DPYD: variants seen among roughly 807,000 people sequenced by gnomAD.
DPYD encodes the protein dihydropyrimidine dehydrogenase [NADP(+)].
In DPYD, 109 loss-of-function variants were observed where a neutral mutation model predicts 116.2. That is an observed-to-expected ratio of 0.94 (90% CI 0.80 to 1.10). The LOEUF is 1.10. Among genes scored for constraint, DPYD ranks in the 50% least tolerant of loss-of-function variants. DPYD has a pLI of 0.00. For missense variants in DPYD, 1,302 were observed against 1,254.5 expected, an observed-to-expected ratio of 1.04 and a Z score of -0.57; for synonymous variants, 440 against 432.0, an observed-to-expected ratio of 1.02 and a Z score of -0.23.
At chr1:97,905,813 T>A (rs1159983119) in intron 1 of DPYD, among the ~76,000 whole-genome samples, 1 of 152,080 alleles carries the variant, frequency 6.6e-6, no homozygotes, top group African/African-American at 2.4e-5. Flanking sequence ...CCCACTTCTA[T>A]ACCTCTATGA....
intron 2 of DPYD, among the ~76,000 whole-genome samples, chr1:97,872,463 C>T (rs1671703161): frequency 6.6e-6 from 1 of 151,934 alleles, no homozygotes; most frequent in Admixed American, 6.6e-5. Flanking sequence ...AAGTTGCAAT[C>T]AGTCTGAAAT....
At chr1:97,350,473 G>C (rs1670083928) in intron 16 of DPYD, among the ~76,000 whole-genome samples, 1 of 152,124 alleles carries the variant, frequency 6.6e-6, no homozygotes, top group Non-Finnish European at 1.5e-5. Flanking sequence ...ATATAAGACT[G>C]AACTTTTGTA....
At chr1:97,256,869 G>A (rs1482611998) in intron 18 of DPYD, among the ~76,000 whole-genome samples, 2 of 151,994 alleles carry the variant, frequency 1.3e-5, no homozygotes, top group Admixed American at 1.3e-4. Context: ...AACATATGAT[G>A]TAAAATCATG....
At chr1:97,612,183 A>C (rs1655989890) in intron 8 of DPYD, among the ~76,000 whole-genome samples, 1 of 152,054 alleles carries the variant, frequency 6.6e-6, no homozygotes, top group Non-Finnish European at 1.5e-5. Context: ...TAAATTCAGC[A>C]TATTAATGCA....
intron 1 of DPYD, among the ~76,000 whole-genome samples, chr1:97,906,021 G>GA (rs147536998): frequency 1.5e-4 from 23 of 150,490 alleles, no homozygotes; most frequent in East Asian, 1.4e-3. Flanking sequence ...TAGGGAACAA[G>GA]AAAAAAAAAT....
At chr1:97,617,103 CTCTT>C (rs1202835949) in intron 8 of DPYD, among the ~76,000 whole-genome samples, 1 of 152,100 alleles carries the variant, frequency 6.6e-6, no homozygotes, top group Non-Finnish European at 1.5e-5. Context: ...TAGGAAAATT[CTCTT>C]TCTTTCTTTT....
chr1:97,574,925 A>G (rs537041647), intron 10 of DPYD, among the ~76,000 whole-genome samples: 7 of 152,258 alleles, frequency 4.6e-5, no homozygotes, highest in Non-Finnish European at 8.8e-5. Flanking sequence ...CTTCAAACTA[A>G]GAGTTATCTG....
intron 3 of DPYD, among the ~76,000 whole-genome samples, chr1:97,791,137 T>C (rs1468908424): frequency 6.6e-6 from 1 of 152,222 alleles, no homozygotes; most frequent in Non-Finnish European, 1.5e-5. Context: ...ATGATTCACA[T>C]TTTTAAGAAA....
chr1:97,338,144 C>A (rs777814842), intron 16 of DPYD, among the ~76,000 whole-genome samples: 4 of 152,066 alleles, frequency 2.6e-5, no homozygotes, highest in African/African-American at 7.2e-5. Context: ...CCACTTTAAC[C>A]CCACAGCTAT....
chr1:97,709,094 T>C (rs1237580161), intron 5 of DPYD, among the ~76,000 whole-genome samples: 1 of 151,944 alleles, frequency 6.6e-6, no homozygotes, highest in Admixed American at 6.6e-5. Flanking sequence ...TTTTATTTCT[T>C]CCTTCTCTGT....
chr1:97,822,844 C>T (rs530263360), intron 3 of DPYD, among the ~76,000 whole-genome samples: 3 of 152,170 alleles, frequency 2.0e-5, no homozygotes, highest in South Asian at 4.2e-4. Context: ...TTTTTGTTTG[C>T]CATTAGAGTT....
intron 20 of DPYD, among the ~76,000 whole-genome samples, chr1:97,143,905 CAAG>C (rs1654420593): frequency 1.3e-5 from 2 of 152,242 alleles, no homozygotes; most frequent in Admixed American, 1.3e-4. Flanking sequence ...TATGTGTCAT[CAAG>C]AAGAGTTGTT....
chr1:97,740,296 G>A (rs894997346), intron 4 of DPYD, 96 bp downstream of exon 4: 41 of 1,031,730 alleles, frequency 4.0e-5, no homozygotes, highest in Non-Finnish European at 5.8e-5. Flanking sequence ...TGGTTTAACT[G>A]GATTTGCTAA....
intron 2 of DPYD, among the ~76,000 whole-genome samples, chr1:97,864,989 CT>C (rs777939350): frequency 2.0e-4 from 30 of 148,312 alleles, no homozygotes; most frequent in Admixed American, 1.0e-3. Flanking sequence ...CATACTTTCA[CT>C]TTTTTTTTTG....
chr1:97,639,305 T>C (rs1041502912), intron 8 of DPYD, among the ~76,000 whole-genome samples: 3 of 152,186 alleles, frequency 2.0e-5, no homozygotes, highest in Admixed American at 6.6e-5. Context: ...CTTACTGTTA[T>C]TGATAATGCC....
At chr1:97,689,724 A>C (rs1161337009) in intron 7 of DPYD, among the ~76,000 whole-genome samples, 1 of 152,068 alleles carries the variant, frequency 6.6e-6, no homozygotes, top group African/African-American at 2.4e-5. Flanking sequence ...TTTCAAAAGG[A>C]GGTAATGAGC....
intron 13 of DPYD, among the ~76,000 whole-genome samples, chr1:97,497,783 A>C (rs983654507): frequency 1.3e-5 from 2 of 151,808 alleles, no homozygotes; most frequent in Non-Finnish European, 3.0e-5. Context: ...ATTCCCAAAA[A>C]GTTAAAAATA....
At chr1:97,716,355 C>A (rs1313972863) in intron 5 of DPYD, among the ~76,000 whole-genome samples, 3 of 151,872 alleles carry the variant, frequency 2.0e-5, no homozygotes, top group African/African-American at 4.8e-5. Flanking sequence ...GAATAAAACA[C>A]CCCATCATAT....
Position 97,361,969 on chromosome 1 carries a change from G to C in DPYD, c.2058+11592C>G, listed in dbSNP as rs192838410. On this transcript the variant is annotated intron_variant, in intron 16 of 22. Coordinates refer to ENST00000370192, the MANE Select transcript of DPYD (RefSeq NM_000110.4). ...TTCTGGCCAGGGCCATCAGGCAAGA[G>C]AAAGAAATAAAGGGCATTCAATTAG... Among the ~76,000 whole-genome samples, 5 of 152,344 alleles carry C rather than the reference G, an allele frequency of 3.3e-5. No individual in the cohort carries two copies. The East Asian group carries it at 9.7e-4, about 29-fold the overall frequency.
Sources: gnomAD v4.1 joint callset for allele counts (sites outside exome capture counted in the v4.1 genomes callset) on GRCh38, gnomAD v4.1.1 for gene constraint, MANE v1.5 for transcripts, NCBI Gene and HGNC (gene_info 2026-07-23, HGNC 2026-07-21) for gene names.